The following PER1 variants were observed in gnomAD, a reference collection of about 807,000 sequenced individuals.
PER1 encodes period circadian protein homolog 1.
Under a neutral mutation model 125.9 loss-of-function variants are expected in PER1, and 87 were observed. The ratio of observed to expected loss-of-function variants is 0.69; its 90% CI spans 0.58 to 0.83. PER1 has a LOEUF of 0.83. PER1 is among the 40% of genes least tolerant of loss of function. The pLI is 0.00. For synonymous variants in PER1, 801 were observed against 714.7 expected (o/e 1.12, Z -1.93); for missense variants, 1,775 against 1,722.8 (o/e 1.03, Z -0.54).
At chr17:8,142,148 A>C (rs1982118415) in intron 21 of PER1, 121 bp downstream of exon 21, 5 of 1,105,806 alleles carry the variant, frequency 4.5e-6, no homozygotes, top group Admixed American at 2.5e-5. Context: ...CAGGGCTCCA[A>C]GGAGCAGGAA....
chr17:8,144,482 G>C, intron 18 of PER1: 1 of 498,388 alleles, frequency 2.0e-6, no homozygotes, highest in Non-Finnish European at 3.5e-6. Flanking sequence ...CTGCCCCCAG[G>C]CTAGGCCTGA....
In PER1 at chr17:8,144,791, G is replaced by T; in HGVS notation, c.2421C>A (p.Leu807=). 1 of 1,583,904 alleles carries T rather than the reference G, an allele frequency of 6.3e-7. No individual in the cohort carries two copies. Residue 807 remains leucine, a synonymous_variant, in exon 18 of 23, where the codon CTC becomes CTA. Transcript: ENST00000317276. The stretch of plus-strand genomic sequence containing the variant: ...CTGAGGGAGCTGTGGAAGAGCTGTC[G>T]AGTCCACGCAGCCTGCCCAGGTCTC... ...RFRDLGRLRG[L]DSSSTAPSAL...
In PER1 at chr17:8,143,847, G is replaced by A. The variant is rs768889860; in HGVS notation, c.2491C>T (p.Arg831Cys). ...GCTTTGGATCGGCAGTGGTGTCGGCGGCTTGGGGGTGCGGGGCCGTGGTGG... is the reference window on the plus strand; with the variant it reads ...GCTTTGGATCGGCAGTGGTGTCGGCAGCTTGGGGGTGCGGGGCCGTGGTGG... ...GCHHGPAPPS[R>C]RHHCRSKAKR... The change falls in exon 19 of 23, where the codon CGC becomes TGC. Residue 831 changes from arginine (R) to cysteine (C), a missense_variant. Coordinates refer to ENST00000317276, the MANE Select transcript of PER1 (RefSeq NM_002616.3). 5.6e-5 allele frequency: 91 copies of A among 1,612,230 alleles called. 1 individual carries two copies. In the South Asian group the frequency reaches 9.0e-4, roughly 16 times the overall value.
In PER1 at chr17:8,151,873, A is replaced by G. The variant is rs572823555; in HGVS notation, c.-140+464T>C. ...CTGAGCATTTTCTGAGCGCCAGGGG[A>G]AAAGGGAAGGTTGTGGCCAACAGCA... On this transcript the variant is annotated intron_variant, in intron 1 of 22. Coordinates refer to ENST00000317276, the MANE Select transcript of PER1 (RefSeq NM_002616.3). Among the ~76,000 whole-genome samples, 13 of 152,170 alleles carry G rather than the reference A, an allele frequency of 8.5e-5. No homozygotes were observed. In the South Asian group the frequency reaches 2.7e-3, roughly 32 times the overall value.
At chr17:8,144,044 G>T in intron 18 of PER1, 168 bp from the exon 19 acceptor site, 1 of 1,036,404 alleles carries the variant, frequency 9.6e-7, no homozygotes, top group Non-Finnish European at 1.3e-6. Flanking sequence ...CTTCAGGGAA[G>T]AATCACAGGA....
Position 8,148,254 on chromosome 17 carries a change from G to C in PER1, c.1054C>G (p.Arg352Gly), listed in dbSNP as rs148562194. ...AAAATCCTCTTGTCAGGGGGTATCC[G>C]GGGAGCTGAGGCACAGAGAGTGTGG... ...ERIHSGYEAP[R>G]IPPDKRIFTT... is the part of the protein sequence containing the mutation. Residue 352 changes from arginine to glycine, a missense_variant, in exon 9 of 23, where the codon CGG becomes GGG. Arg to Gly is a moderately radical substitution (Grantham distance 125). Coordinates refer to ENST00000317276, the MANE Select transcript of PER1 (RefSeq NM_002616.3). The C allele has an allele frequency of 1.9e-6, 3 of 1,613,514 alleles. No individual in the cohort carries two copies. The highest frequency in any genetic ancestry group is 2.5e-6 in the Non-Finnish European group (3 of 1,179,496).
Position 8,148,971 on chromosome 17 carries a change from C to T in PER1, c.906-185G>A, listed in dbSNP as rs988326944. On this transcript the variant is annotated intron_variant, in intron 7 of 22. Transcript: ENST00000317276. ...TGGGAGGCCAAGGCAGGCGGATCAC[C>T]TGAGGTCAGGAGTTCGAGACCAGCC... 14 of 681,482 alleles carry T rather than the reference C, an allele frequency of 2.1e-5. No individual in the cohort carries two copies. The African/African-American group carries it at 2.5e-4, about 12-fold the overall frequency. The allele number at this position is 681,482 out of a possible 1,614,324, so 42.2% of individuals were successfully genotyped here.
rs1337324757 is a variant in PER1, at chr17:8,147,291, T to C, written c.1588A>G (p.Ser530Gly). 18 of 1,613,212 alleles carry C rather than the reference T, an allele frequency of 1.1e-5. No individual in the cohort carries two copies. Among genetic ancestry groups the C allele is most frequent in the Non-Finnish European group, 1.5e-5 (18 of 1,179,746 alleles). ...GGCCCCTCTGCATCACCCCCGTTGC[T>C]ATCACTGGAGGACCCAGGGCTGTGG... ...PLHSPGSSSD[S>G]NGGDAEGPGP... The change falls in exon 13 of 23, where the codon AGC (serine) becomes GGC (glycine). Residue 530 changes from serine to glycine, a missense_variant. Transcript: ENST00000317276.
In PER1 at chr17:8,144,942, C is replaced by A. The variant is rs1333275442; in HGVS notation, c.2270G>T (p.Ser757Ile). ...LPGLAPGPAP[S>I]PAPSPTVAPD... ...GGCTACTGTGGGGCTGGGGGCTGGG[C>A]TGGGGGCTGGGCCTGGGGCTAGGCC... The change falls in exon 18 of 23, where the codon AGC becomes ATC. Residue 757 changes from serine (S) to isoleucine (I), a missense_variant. Ser to Ile is a moderately radical substitution (Grantham distance 142, BLOSUM62 -2). Transcript: ENST00000317276. 2 of 1,516,518 alleles carry A rather than the reference C, an allele frequency of 1.3e-6. No individual in the cohort carries two copies. Among genetic ancestry groups the A allele is most frequent in the Non-Finnish European group, 1.8e-6 (2 of 1,132,258 alleles). 93.9% of individuals were successfully genotyped at this position (1,516,518 alleles called of 1,614,324 possible).
Position 8,144,827 on chromosome 17 carries a change from G to C in PER1, c.2385C>G (p.Leu795=). ...GCCTGCCCAGGTCTCGGAAGCGGCTGAGGAAGGCTTGCTCTTCCTTCTGTG... is the reference window on the plus strand; with the variant it reads ...GCCTGCCCAGGTCTCGGAAGCGGCTCAGGAAGGCTTGCTCTTCCTTCTGTG... The part of the protein sequence containing the change: ...LHTQKEEQAF[L]SRFRDLGRLR... The change falls in exon 18 of 23, where the codon CTC becomes CTG. Residue 795 remains leucine (L), a synonymous_variant. Transcript: ENST00000317276. The C allele has an allele frequency of 1.9e-6, 3 of 1,586,944 alleles. No homozygotes were observed. The highest frequency in any genetic ancestry group is 2.6e-6 in the Non-Finnish European group (3 of 1,165,388).
rs769677953 is a variant in PER1, at chr17:8,143,727, G to A, written c.2611C>T (p.Pro871Ser). ...PVPPSTPWPT[P>S]PATTPFPAVV... ...GCTGGGAAGGGGGTAGTGGCTGGTG[G>A]GGTGGGCCAGGGGGTGGAGGGTGGC... is the stretch of plus-strand genomic sequence containing the variant. The change falls in exon 19 of 23, where the codon CCA becomes TCA. Residue 871 changes from proline to serine, a missense_variant. Coordinates refer to ENST00000317276, the MANE Select transcript of PER1 (RefSeq NM_002616.3). 3.3e-6 allele frequency: 5 copies of A among 1,538,012 alleles called. No individual in the cohort carries two copies. The South Asian group carries it at 6.1e-5, about 19-fold the overall frequency.
rs1469426496 is a variant in PER1 at position 8,143,552 on chromosome 17, G to A, written c.2786C>T (p.Pro929Leu). ...CCCATAAGGATAGCTGGATGGGGTTGGGAACAGATAGTTAGGGAGCACCAA... is the reference window on the plus strand; with the variant it reads ...CCCATAAGGATAGCTGGATGGGGTTAGGAACAGATAGTTAGGGAGCACCAA... ...VALVLPNYLF[P>L]TPSSYPYGAL... The change falls in exon 19 of 23, where the codon CCA becomes CTA. Residue 929 changes from proline (P) to leucine (L), a missense_variant. Pro to Leu is a moderately conservative substitution (Grantham distance 98). Coordinates refer to ENST00000317276, the MANE Select transcript of PER1 (RefSeq NM_002616.3). 4 of 1,493,844 alleles carry A rather than the reference G, an allele frequency of 2.7e-6. No individual in the cohort carries two copies. Among genetic ancestry groups the A allele is most frequent in the Non-Finnish European group, 3.6e-6 (4 of 1,117,126 alleles). 92.5% of individuals were successfully genotyped at this position (1,493,844 alleles called of 1,614,324 possible).
At position 8,147,322 on chromosome 17, in the gene PER1, G is replaced by A. The variant is rs761608914; in HGVS notation, c.1557C>T (p.Gly519=). Residue 519 remains glycine, a synonymous_variant, in exon 13 of 23, where the codon GGC becomes GGT. Coordinates refer to ENST00000317276, the MANE Select transcript of PER1 (RefSeq NM_002616.3). ...TGGAGGACCCAGGGCTGTGGAGAGG[G>A]CCTGGGGATGTCACGGCGCCGACTC... is the stretch of plus-strand genomic sequence containing the variant. The part of the protein sequence containing the change: ...LCGVGAVTSP[G]PLHSPGSSSD... The A allele has an allele frequency of 2.5e-6, 4 of 1,613,610 alleles. No homozygotes were observed. The highest frequency in any genetic ancestry group is 2.2e-5 in the East Asian group (1 of 44,878).
At chr17:8,147,906 G>A (rs1018582752) in intron 10 of PER1, 79 bp from the exon 11 acceptor site, 1 of 1,589,050 alleles carries the variant, frequency 6.3e-7, no homozygotes, top group African/African-American at 1.3e-5. Flanking sequence ...TAGAGATCCA[G>A]GAGACCAAGG....
In PER1 at chr17:8,150,416, A is replaced by G; in HGVS notation, c.275+16T>C. ...ACAAGACCATTCCTAGACCCAACATACACATCCATACACACCTCTTGCTGC... is the reference window on the plus strand; with the variant it reads ...ACAAGACCATTCCTAGACCCAACATGCACATCCATACACACCTCTTGCTGC... On this transcript the variant is annotated intron_variant, in intron 2 of 22. Transcript: ENST00000317276. The G allele has an allele frequency of 6.3e-7, 1 of 1,595,190 alleles. No homozygotes were observed. Among genetic ancestry groups the G allele is most frequent in the South Asian group, 1.1e-5 (1 of 89,350 alleles).
chr17:8,146,307 G>A (rs1326428218), intron 16 of PER1, 65 bp downstream of exon 16: 1 of 1,545,646 alleles, frequency 6.5e-7, no homozygotes, highest in Non-Finnish European at 8.7e-7. Context: ...AGAAGCAGAA[G>A]GGAAAAGACA....
chr17:8,141,366 G>A (rs1982070043), intron 22 of PER1, 26 bp from the exon 23 acceptor site: 6 of 1,574,944 alleles, frequency 3.8e-6, no homozygotes, highest in Middle Eastern at 2.1e-4. Context: ...GGACATGAGA[G>A]AGTCAGACAG....
chr17:8,142,880 C>A, intron 19 of PER1, 45 bp from the exon 20 acceptor site: 1 of 1,426,654 alleles, frequency 7.0e-7, no homozygotes. Flanking sequence ...GGGTCAGCAC[C>A]TAGGCCTCCC....
chr17:8,141,998 A>G, intron 21 of PER1, 43 bp from the exon 22 acceptor site: 1 of 1,610,222 alleles, frequency 6.2e-7, no homozygotes, highest in Non-Finnish European at 8.5e-7. Context: ...GGGATCCAGG[A>G]CCCGGACCAG....
Sources: gnomAD v4.1 joint callset for allele counts (sites outside exome capture counted in the v4.1 genomes callset) on GRCh38, gnomAD v4.1.1 for gene constraint, MANE v1.5 for transcripts, NCBI Gene and HGNC (gene_info 2026-07-23, HGNC 2026-07-21) for gene names.